Variants in TBC1D32 observed in about 807,000 individuals in gnomAD.
TBC1D32 encodes the protein protein broad-minded.
TBC1D32 carries 151 observed loss-of-function variants against 170.3 expected under a neutral mutation model. That is an observed-to-expected ratio of 0.89 (90% confidence interval 0.78 to 1.01). TBC1D32 has a LOEUF of 1.01. Ranked by LOEUF, TBC1D32 falls within the 50% of genes least tolerant of loss-of-function variation. The probability of loss-of-function intolerance (pLI) is 0.00; values close to 1 mark genes in which losing one functional copy is unlikely to be tolerated. For synonymous variants in TBC1D32, 498 were observed against 488.0 expected, an observed-to-expected ratio of 1.02 and a Z score of -0.27; for missense variants, 1,464 against 1,457.1, an observed-to-expected ratio of 1.00 and a Z score of -0.08.
chr6:121,137,138 C>G (rs192152025), intron 24 of TBC1D32, among the ~76,000 whole-genome samples: 474 of 152,124 alleles, frequency 3.1e-3, no homozygotes, highest in Admixed American at 5.6e-3. Context: ...ATGAAATGAA[C>G]ATTCACTTCT....
intron 24 of TBC1D32, among the ~76,000 whole-genome samples, chr6:121,159,053 C>T (rs938217073): frequency 2.6e-5 from 4 of 152,148 alleles, no homozygotes; most frequent in African/African-American, 9.7e-5. Flanking sequence ...AGCCCCTCTG[C>T]TTTTTCCTCT....
intron 24 of TBC1D32, among the ~76,000 whole-genome samples, chr6:121,133,776 T>C (rs2128219515): frequency 6.6e-6 from 1 of 152,220 alleles, no homozygotes; most frequent in South Asian, 2.1e-4. Flanking sequence ...AAAGCATATG[T>C]AATTCTGCTA....
rs372434735 is a variant in TBC1D32 at position 121,160,104 on chromosome 6, C to T, written c.2680-1G>A. The T allele has an allele frequency of 6.3e-5, 100 of 1,577,380 alleles. No homozygotes were observed. The highest frequency in any genetic ancestry group is 1.2e-4 in the Admixed American group (7 of 59,266). ...TTGGCCAAGGATATGGATTATCACT[C>T]TAAAAAAGAAGCAAGACAGATGACT... On this transcript the variant is annotated splice_acceptor_variant, in intron 23 of 31. Transcript: ENST00000398212. LOFTEE classifies it high-confidence loss of function.
chr6:121,303,184 G>A (rs1347455491), intron 9 of TBC1D32, among the ~76,000 whole-genome samples: 1 of 152,016 alleles, frequency 6.6e-6, no homozygotes, highest in East Asian at 1.9e-4. Flanking sequence ...CCAAACTTCA[G>A]GTTCAGGAGG....
intron 22 of TBC1D32, among the ~76,000 whole-genome samples, chr6:121,202,388 A>G (rs1791702493): frequency 6.6e-6 from 1 of 150,930 alleles, no homozygotes; most frequent in South Asian, 2.1e-4. Context: ...ATGGTCCCCT[A>G]TATCAAATGC....
chr6:121,304,693 C>T lies in TBC1D32; in HGVS notation c.769+62G>A. On this transcript the variant is annotated intron_variant, in intron 6 of 31. Transcript: ENST00000398212. ...AGTGCTTTCTGAAAAAAATTATTTC[C>T]TATCCATTCTTAAGTACATGCAAAT... 3 of 1,518,804 alleles carry T rather than the reference C, an allele frequency of 2.0e-6. No homozygotes were observed. The African/African-American group carries it at 4.2e-5, about 21-fold the overall frequency. The allele number at this position is 1,518,804 out of a possible 1,614,324, so 94.1% of individuals were successfully genotyped here.
At position 121,284,632 on chromosome 6, in the gene TBC1D32, T is replaced by C. The variant is rs149075568; in HGVS notation, c.1373-722A>G. Among the ~76,000 whole-genome samples, 684 of 152,238 alleles carry C rather than the reference T, an allele frequency of 4.5e-3. 3 individuals carry two copies. The highest frequency in any genetic ancestry group is 0.016 in the African/African-American group (662 of 41,544). On this transcript the variant is annotated intron_variant, in intron 12 of 31. Transcript: ENST00000398212. ...AGAGGCTTACATTAAAAGAGTCTGG[T>C]GAAATCACATGTGAAACTTAAAGGT...
At chr6:121,291,437 A>T (rs1486733953) in intron 12 of TBC1D32, among the ~76,000 whole-genome samples, 1 of 152,310 alleles carries the variant, frequency 6.6e-6, no homozygotes, top group East Asian at 1.9e-4. Context: ...TACAAAAAAA[A>T]ACAAAAAAAC....
At chr6:121,236,751 A>G (rs1016668027) in intron 20 of TBC1D32, among the ~76,000 whole-genome samples, 1 of 152,226 alleles carries the variant, frequency 6.6e-6, no homozygotes, top group South Asian at 2.1e-4. Context: ...GATTAGGAAT[A>G]TTGTGCCATT....
At chr6:121,118,985 T>C (rs1011716285) in intron 26 of TBC1D32, among the ~76,000 whole-genome samples, 13 of 152,118 alleles carry the variant, frequency 8.5e-5, no homozygotes, top group Admixed American at 1.3e-4. Flanking sequence ...TGGAAGACTT[T>C]TCCCCTCTTC....
intron 12 of TBC1D32, among the ~76,000 whole-genome samples, chr6:121,288,118 C>G (rs1321449521): frequency 1.3e-5 from 2 of 152,062 alleles, no homozygotes; most frequent in Admixed American, 6.6e-5. Context: ...CAAACACATT[C>G]AAAAGCTAGC....
intron 19 of TBC1D32, 86 bp downstream of exon 19, chr6:121,241,379 A>T: frequency 9.2e-7 from 1 of 1,092,638 alleles, no homozygotes; most frequent in Non-Finnish European, 1.3e-6. Flanking sequence ...ATATCCTGAT[A>T]CTTAATTGTG....
intron 17 of TBC1D32, among the ~76,000 whole-genome samples, chr6:121,244,799 G>T (rs1361590871): frequency 6.6e-6 from 1 of 152,130 alleles, no homozygotes; most frequent in Non-Finnish European, 1.5e-5. Flanking sequence ...TGTGGGAGAG[G>T]TCTTTCTGGA....
At chr6:121,115,019 T>C (rs571559937) in intron 27 of TBC1D32, among the ~76,000 whole-genome samples, 153 bp downstream of exon 27, 1 of 152,184 alleles carries the variant, frequency 6.6e-6, no homozygotes, top group Admixed American at 6.5e-5. Flanking sequence ...CATGTGCCAA[T>C]ATCCTCAAAA....
At chr6:121,141,431 A>T (rs1036742531) in intron 24 of TBC1D32, among the ~76,000 whole-genome samples, 1 of 152,206 alleles carries the variant, frequency 6.6e-6, no homozygotes, top group Non-Finnish European at 1.5e-5. Flanking sequence ...TCTAGAATAC[A>T]TAAAGTGCTC....
intron 22 of TBC1D32, among the ~76,000 whole-genome samples, chr6:121,176,312 T>C (rs553504847): frequency 6.6e-6 from 1 of 152,196 alleles, no homozygotes; most frequent in African/African-American, 2.4e-5. Flanking sequence ...GTGTTCCAGG[T>C]ACAGCAAATA....
intron 4 of TBC1D32, 27 bp from the exon 5 acceptor site, chr6:121,308,128 T>C (rs774187204): frequency 6.2e-7 from 1 of 1,605,150 alleles, no homozygotes; most frequent in Admixed American, 1.7e-5. Flanking sequence ...AGACTTTTAT[T>C]AACACTCAGT....
chr6:121,267,078 T>TAAAAAAAAAAA (rs60556893), intron 15 of TBC1D32, among the ~76,000 whole-genome samples: 1 of 87,400 alleles, frequency 1.1e-5, no homozygotes, highest in African/African-American at 3.8e-5. Context: ...AAAGTAAAAT[T>TAAAAAAAAAAA]AAAAAAAAAA....
At chr6:121,287,188 A>G (rs1471916310) in intron 12 of TBC1D32, among the ~76,000 whole-genome samples, 1 of 152,214 alleles carries the variant, frequency 6.6e-6, no homozygotes, top group African/African-American at 2.4e-5. Context: ...AAATGCTCCA[A>G]TTAAAAGACA....
Sources: gnomAD v4.1 joint callset for allele counts (sites outside exome capture counted in the v4.1 genomes callset) on GRCh38, gnomAD v4.1.1 for gene constraint, MANE v1.5 for transcripts, NCBI Gene and HGNC (gene_info 2026-07-23, HGNC 2026-07-21) for gene names.